Variants in ACVR1C observed in about 807,000 individuals in gnomAD.
ACVR1C encodes the protein activin A receptor type 1C.
ACVR1C carries 23 observed loss-of-function variants against 57.9 expected under a neutral mutation model. That is an observed-to-expected ratio of 0.40 (90% confidence interval 0.29 to 0.56). ACVR1C has a LOEUF of 0.56. Among genes scored for constraint, ACVR1C ranks in the 20% least tolerant of loss-of-function variants. The pLI is 0.50. For synonymous variants in ACVR1C, 214 were observed against 215.3 expected, an observed-to-expected ratio of 0.99 and a Z score of 0.05; for missense variants, 480 against 607.9, an observed-to-expected ratio of 0.79 and a Z score of 2.21.
At chr2:157,602,907 T>C (rs1247695631) in intron 1 of ACVR1C, among the ~76,000 whole-genome samples, 1 of 152,206 alleles carries the variant, frequency 6.6e-6, no homozygotes, top group Admixed American at 6.5e-5. Context: ...CAGGGATGAA[T>C]ATTAATTTGT....
At chr2:157,602,160 G>A (rs759476234) in intron 1 of ACVR1C, among the ~76,000 whole-genome samples, 2 of 152,132 alleles carry the variant, frequency 1.3e-5, no homozygotes, top group Non-Finnish European at 2.9e-5. Context: ...TGTACATAAC[G>A]AAGGGGTAGA....
intron 1 of ACVR1C, among the ~76,000 whole-genome samples, chr2:157,620,461 A>G (rs1162833442): frequency 2.0e-5 from 3 of 152,142 alleles, no homozygotes; most frequent in African/African-American, 7.2e-5. Flanking sequence ...AAGTTGTGAG[A>G]TGTGATTACT....
At chr2:157,542,468 T>C (rs920566531) in intron 6 of ACVR1C, among the ~76,000 whole-genome samples, 1 of 152,178 alleles carries the variant, frequency 6.6e-6, no homozygotes, top group Non-Finnish European at 1.5e-5. Flanking sequence ...TCTTCCATCA[T>C]TTCTCTCCAC....
intron 1 of ACVR1C, among the ~76,000 whole-genome samples, chr2:157,615,520 G>A (rs537946250): frequency 1.3e-4 from 20 of 152,152 alleles, no homozygotes; most frequent in African/African-American, 4.3e-4. Flanking sequence ...AACTACAGGT[G>A]TGCACAACCA....
chr2:157,596,778 C>A (rs965065284), intron 1 of ACVR1C, among the ~76,000 whole-genome samples: 1 of 152,054 alleles, frequency 6.6e-6, no homozygotes, highest in African/African-American at 2.4e-5. Context: ...TTTTTAAGAT[C>A]ATTATTTAAA....
Position 157,612,630 on chromosome 2 carries a change from C to A in ACVR1C, c.73+15942G>T, listed in dbSNP as rs1303333330. On this transcript the variant is annotated intron_variant, in intron 1 of 8. Transcript: ENST00000243349. The stretch of plus-strand genomic sequence containing the variant: ...TGGGGACAGGGTTAATTCTCACAGC[C>A]CCAGACAGGGAACTCTCAGGCTATG... 2.6e-5 allele frequency among the ~76,000 whole-genome samples: 4 copies of A among 152,190 alleles called. No homozygotes were observed. The East Asian group carries it at 7.7e-4, about 29-fold the overall frequency.
At chr2:157,565,901 T>C (rs1688359071) in intron 2 of ACVR1C, among the ~76,000 whole-genome samples, 1 of 152,156 alleles carries the variant, frequency 6.6e-6, no homozygotes. Flanking sequence ...AGAATAACAT[T>C]TTTACGCTTT....
chr2:157,536,483 A>G (rs1402905642), intron 8 of ACVR1C, among the ~76,000 whole-genome samples: 1 of 152,206 alleles, frequency 6.6e-6, no homozygotes, highest in East Asian at 1.9e-4. Context: ...CTAATGGAAG[A>G]TAGGTAATAG....
intron 2 of ACVR1C, among the ~76,000 whole-genome samples, chr2:157,565,686 C>T (rs564830305): frequency 2.8e-4 from 42 of 152,296 alleles, no homozygotes; most frequent in African/African-American, 9.9e-4. Context: ...GGCCATTCCA[C>T]TGTTTGATGC....
chr2:157,601,067 C>T (rs1682268515), intron 1 of ACVR1C, among the ~76,000 whole-genome samples: 1 of 152,024 alleles, frequency 6.6e-6, no homozygotes, highest in South Asian at 2.1e-4. Context: ...CATGTAATTC[C>T]AGCACTTTGG....
intron 1 of ACVR1C, among the ~76,000 whole-genome samples, chr2:157,618,667 T>C (rs1682703832): frequency 6.6e-6 from 1 of 151,702 alleles, no homozygotes; most frequent in Non-Finnish European, 1.5e-5. Flanking sequence ...ATCAATAGTT[T>C]AAAAAAGTAG....
intron 1 of ACVR1C, among the ~76,000 whole-genome samples, chr2:157,609,798 T>C (rs1166204897): frequency 1.3e-5 from 2 of 152,056 alleles, no homozygotes; most frequent in African/African-American, 4.8e-5. Flanking sequence ...TTGGTTTCTA[T>C]TTGTGTGAAA....
rs1005412708 is a variant in ACVR1C, at chr2:157,556,323, T to C, written c.314A>G (p.Asn105Ser). ...ITLHLPTASP[N>S]APKLGPMELA... ...CTCCATGGGTCCAAGTTTTGGGGCA[T>C]TTGGTGATGCTACAGTTTAAAGAAG... The change falls in exon 3 of 9, where the codon AAT (asparagine) becomes AGT (serine). Residue 105 changes from asparagine to serine, a missense_variant. Asn to Ser is a conservative substitution (Grantham distance 46). Transcript: ENST00000243349. 2 of 1,613,814 alleles carry C rather than the reference T, an allele frequency of 1.2e-6. No individual in the cohort carries two copies. The highest frequency in any genetic ancestry group is 2.7e-5 in the African/African-American group (2 of 74,916).
rs143611223 is a variant in ACVR1C, at chr2:157,599,242, G to T, written c.74-11825C>A. ...CCAGGTACTCTGGAGGCTGAGGCAG[G>T]AGAATGGCGTGAACCCGAGAGGGGG... On this transcript the variant is annotated intron_variant, in intron 1 of 8. Coordinates refer to ENST00000243349, the MANE Select transcript of ACVR1C (RefSeq NM_145259.3). Among the ~76,000 whole-genome samples, 726 of 145,822 alleles carry T rather than the reference G, an allele frequency of 5.0e-3. 6 individuals carry two copies. The highest frequency in any genetic ancestry group is 0.016 in the African/African-American group (647 of 39,404).
intron 1 of ACVR1C, among the ~76,000 whole-genome samples, chr2:157,597,094 C>T (rs1682143372): frequency 6.6e-6 from 1 of 152,130 alleles, no homozygotes; most frequent in Non-Finnish European, 1.5e-5. Flanking sequence ...AGGACGAGTC[C>T]CAGCCCATCC....
At chr2:157,544,398 C>A in intron 5 of ACVR1C, 47 bp downstream of exon 5, 1 of 1,533,646 alleles carries the variant, frequency 6.5e-7, no homozygotes, top group East Asian at 2.3e-5. Context: ...CTAAGTACCT[C>A]TATCCTCATA....
intron 1 of ACVR1C, among the ~76,000 whole-genome samples, chr2:157,605,194 A>G (rs1414997974): frequency 6.6e-6 from 1 of 151,710 alleles, no homozygotes; most frequent in African/African-American, 2.4e-5. Flanking sequence ...AAATCAATTG[A>G]CATATATATA....
chr2:157,619,806 A>G (rs1448429414), intron 1 of ACVR1C, among the ~76,000 whole-genome samples: 5 of 152,076 alleles, frequency 3.3e-5, no homozygotes, highest in Admixed American at 3.3e-4. Context: ...AAAGCTATTT[A>G]TTTGCAAGAA....
At position 157,532,153 on chromosome 2, in the gene ACVR1C, A is replaced by G. The variant is rs1687366117; in HGVS notation, c.*1765T>C. The G allele has an allele frequency of 1.3e-5, 2 of 152,140 alleles. No homozygotes were observed. Among genetic ancestry groups the G allele is most frequent in the African/African-American group, 4.8e-5 (2 of 41,434 alleles). 9.4% of individuals were successfully genotyped at this position (152,140 alleles called of 1,614,324 possible). A position where few individuals can be genotyped will look rare whatever the true frequency, so the allele number is the denominator to read the frequency against. On this transcript the variant is annotated 3_prime_UTR_variant, in exon 9 of 9. Coordinates refer to ENST00000243349, the MANE Select transcript of ACVR1C (RefSeq NM_145259.3). ...GATAGATTCAGTAACATATTTCCAT[A>G]GTGAAATGAAGCATAATCACTAAAT...
Sources: allele counts gnomAD v4.1 joint callset (sites outside exome capture counted in the v4.1 genomes callset), GRCh38; gene constraint gnomAD v4.1.1; transcripts MANE v1.5; gene names NCBI Gene and HGNC (gene_info 2026-07-23, HGNC 2026-07-21).